ARHGAP42: variants seen among roughly 807,000 people sequenced by gnomAD.
ARHGAP42 encodes the protein rho GTPase-activating protein 42.
In ARHGAP42, 63 loss-of-function variants were observed where a neutral mutation model predicts 125.0. The observed-to-expected ratio is 0.50, with a 90% CI of 0.41 to 0.62. ARHGAP42 has a LOEUF of 0.62. Among genes scored for constraint, ARHGAP42 ranks in the 20% least tolerant of loss-of-function variants. The probability of loss-of-function intolerance (pLI) is 0.00; values close to 1 mark genes in which losing one functional copy is unlikely to be tolerated. For missense variants in ARHGAP42, 766 were observed against 1,024.2 expected (o/e 0.75, Z 3.44); for synonymous variants, 339 against 351.0 (o/e 0.97, Z 0.38).
At chr11:100,977,009 G>A (rs750427449) in intron 21 of ARHGAP42, 38 bp downstream of exon 21, 292 of 1,548,278 alleles carry the variant, frequency 1.9e-4, no homozygotes, top group Admixed American at 6.7e-4. Context: ...GTCTCCCAGG[G>A]ATACAGAGAG....
chr11:100,979,072 T>C, intron 22 of ARHGAP42, 23 bp downstream of exon 22: 1 of 1,550,528 alleles, frequency 6.4e-7, no homozygotes, highest in Non-Finnish European at 8.7e-7. Flanking sequence ...AACCCTTAAA[T>C]GCATCTAAAA....
chr11:100,896,504 G>C (rs1031792084), intron 4 of ARHGAP42, among the ~76,000 whole-genome samples: 69 of 152,260 alleles, frequency 4.5e-4, no homozygotes, highest in African/African-American at 1.4e-3. Flanking sequence ...AGGATCTGTT[G>C]TTTCCTGACT....
intron 21 of ARHGAP42, among the ~76,000 whole-genome samples, chr11:100,978,670 C>CTGCTGCTGGGAGCAGAGTAGTCAATA (rs1251830710): frequency 2.0e-5 from 3 of 152,120 alleles, no homozygotes; most frequent in Non-Finnish European, 4.4e-5. Flanking sequence ...AGTCAATAGC[C>CTGCTGCTGGGAGCAGAGTAGTCAATA]GTGCTGCTGG....
chr11:100,937,447 C>T (rs1341622720), intron 8 of ARHGAP42, among the ~76,000 whole-genome samples: 1 of 151,860 alleles, frequency 6.6e-6, no homozygotes, highest in Non-Finnish European at 1.5e-5. Flanking sequence ...ATGTTTTTTA[C>T]ACAAGCCTGG....
chr11:100,912,299 T>G lies in ARHGAP42; in HGVS notation c.385-1153T>G, dbSNP rs1866943735. Among the ~76,000 whole-genome samples, 5 of 152,324 alleles carry G rather than the reference T, an allele frequency of 3.3e-5. No homozygotes were observed. In the South Asian group the frequency reaches 8.3e-4, roughly 25 times the overall value. On this transcript the variant is annotated intron_variant, in intron 4 of 23. Transcript: ENST00000298815. ...CTTTCCCTTCCACCACCCATCCGTCTGTGCATCTATTCATTGATTATTTTT... is the reference window on the plus strand; with the variant it reads ...CTTTCCCTTCCACCACCCATCCGTCGGTGCATCTATTCATTGATTATTTTT...
Position 100,782,843 on chromosome 11 carries a change from T to A in ARHGAP42, c.251-12262T>A, listed in dbSNP as rs79313119. Among the ~76,000 whole-genome samples, 885 of 152,306 alleles carry A rather than the reference T, an allele frequency of 5.8e-3. 2 individuals are homozygous for A. Among genetic ancestry groups the A allele is most frequent in the Non-Finnish European group, 9.6e-3 (651 of 68,014 alleles). On this transcript the variant is annotated intron_variant, in intron 2 of 23. Coordinates refer to ENST00000298815, the MANE Select transcript of ARHGAP42 (RefSeq NM_152432.4). ...ACTATTTCTGCCATTGAAATACACA[T>A]GAACTTCAAGTAAGGAAGTAAAGAT...
At chr11:100,893,363 C>T (rs541876769) in intron 4 of ARHGAP42, among the ~76,000 whole-genome samples, 31 of 152,130 alleles carry the variant, frequency 2.0e-4, no homozygotes, top group Middle Eastern at 3.4e-3. Context: ...GATAATGCTT[C>T]TTCTTAGCCT....
At chr11:100,706,015 C>G (rs1861477884) in intron 1 of ARHGAP42, among the ~76,000 whole-genome samples, 1 of 127,840 alleles carries the variant, frequency 7.8e-6, no homozygotes, top group African/African-American at 3.0e-5. Context: ...GAGTCTTGCT[C>G]TGTCACCATG....
chr11:100,716,608 G>A (rs994193501), intron 1 of ARHGAP42, among the ~76,000 whole-genome samples: 1 of 152,138 alleles, frequency 6.6e-6, no homozygotes, highest in African/African-American at 2.4e-5. Flanking sequence ...TAGGGTAAAA[G>A]CATGTTTCTT....
At position 100,835,435 on chromosome 11, in the gene ARHGAP42, G is replaced by A. The variant is rs79332108; in HGVS notation, c.313-24119G>A. Among the ~76,000 whole-genome samples the A allele has an allele frequency of 2.4e-3, 371 of 152,182 alleles. 1 individual carries two copies. The highest frequency in any genetic ancestry group is 8.6e-3 in the African/African-American group (358 of 41,512). On this transcript the variant is annotated intron_variant, in intron 3 of 23. Coordinates refer to ENST00000298815, the MANE Select transcript of ARHGAP42 (RefSeq NM_152432.4). ...CTTAACATATTTATATATGAGTTTTGTCGTGTTGTTTGGTGGTACTCATTC... is the reference window on the plus strand; with the variant it reads ...CTTAACATATTTATATATGAGTTTTATCGTGTTGTTTGGTGGTACTCATTC...
chr11:100,934,262 C>T (rs2135262079), intron 7 of ARHGAP42, among the ~76,000 whole-genome samples: 1 of 152,072 alleles, frequency 6.6e-6, no homozygotes, highest in East Asian at 1.9e-4. Context: ...TGCTTTAAAA[C>T]ATAAGTGAGA....
chr11:100,697,703 A>T (rs1460810082), intron 1 of ARHGAP42, among the ~76,000 whole-genome samples: 1 of 152,214 alleles, frequency 6.6e-6, no homozygotes, highest in Non-Finnish European at 1.5e-5. Flanking sequence ...GACTGGAGTG[A>T]TAAGGCACTA....
intron 10 of ARHGAP42, among the ~76,000 whole-genome samples, chr11:100,944,698 T>G (rs1867972361): frequency 6.6e-6 from 1 of 152,168 alleles, no homozygotes; most frequent in East Asian, 1.9e-4. Flanking sequence ...TATGCTACAC[T>G]GCAGTCCATT....
chr11:100,897,504 C>G (rs529915240), intron 4 of ARHGAP42, among the ~76,000 whole-genome samples: 65 of 152,244 alleles, frequency 4.3e-4, no homozygotes, highest in African/African-American at 1.5e-3. Flanking sequence ...TTTGTGTCCT[C>G]TTTTATTTCC....
chr11:100,920,320 T>C (rs1378344272), intron 5 of ARHGAP42, among the ~76,000 whole-genome samples: 3 of 152,182 alleles, frequency 2.0e-5, no homozygotes, highest in Non-Finnish European at 4.4e-5. Context: ...GGGGGTTAGG[T>C]GCACCTACTC....
At chr11:100,749,278 A>G (rs1862382654) in intron 1 of ARHGAP42, among the ~76,000 whole-genome samples, 1 of 151,392 alleles carries the variant, frequency 6.6e-6, no homozygotes, top group Admixed American at 6.6e-5. Context: ...TCAACCTCTC[A>G]AACAAGGGAT....
intron 3 of ARHGAP42, among the ~76,000 whole-genome samples, chr11:100,797,148 A>T (rs1039965777): frequency 6.6e-5 from 10 of 152,352 alleles, no homozygotes; most frequent in Admixed American, 5.9e-4. Context: ...TGGTTGGTTC[A>T]TAAGGTTTAA....
chr11:100,816,173 A>G (rs1864261297), intron 3 of ARHGAP42, among the ~76,000 whole-genome samples: 2 of 152,194 alleles, frequency 1.3e-5, no homozygotes, highest in South Asian at 4.1e-4. Context: ...TCCAGAAAGT[A>G]GTATTGTTGG....
chr11:100,871,476 G>T (rs987760611), intron 4 of ARHGAP42, among the ~76,000 whole-genome samples: 13 of 150,866 alleles, frequency 8.6e-5, no homozygotes, highest in African/African-American at 3.2e-4. Context: ...AACCTAGGAG[G>T]TGGAGGTTGC....
Sources: gnomAD v4.1 joint callset for allele counts (sites outside exome capture counted in the v4.1 genomes callset) on GRCh38, gnomAD v4.1.1 for gene constraint, MANE v1.5 for transcripts, NCBI Gene and HGNC (gene_info 2026-07-23, HGNC 2026-07-21) for gene names.